BMX: variants seen among roughly 807,000 people sequenced by gnomAD.
The protein encoded by BMX is cytoplasmic tyrosine-protein kinase BMX.
BMX carries 31 observed loss-of-function variants against 59.2 expected under a neutral mutation model. That is an observed-to-expected ratio of 0.52 (90% CI 0.39 to 0.71). The LOEUF (loss-of-function observed/expected upper bound fraction) is 0.71. Among genes scored for constraint, BMX ranks in the 30% least tolerant of loss-of-function variants. The pLI is 0.00. For missense variants in BMX, 474 were observed against 491.7 expected (o/e 0.96, Z 0.34); for synonymous variants, 185 against 181.0 (o/e 1.02, Z -0.18).
At chrX:15,519,676 G>A (rs7883555) in intron 6 of BMX, among the ~76,000 whole-genome samples, 10,562 of 111,702 alleles carry the variant, frequency 0.095, 1,166 homozygotes, top group African/African-American at 0.32. Flanking sequence ...TTAGCTCACC[G>A]TTCTGCAGGC....
At chrX:15,512,633 G>A (rs1401861203) in intron 4 of BMX, among the ~76,000 whole-genome samples, 1 of 112,134 alleles carries the variant, frequency 8.9e-6, no homozygotes, top group Non-Finnish European at 1.9e-5. Context: ...CTGCTTTGCT[G>A]TGTCACCTAA....
At chrX:15,546,118 C>G (rs1475768935) in intron 16 of BMX, among the ~76,000 whole-genome samples, 1 of 112,050 alleles carries the variant, frequency 8.9e-6, no homozygotes, top group Non-Finnish European at 1.9e-5. Context: ...TTTAATTACT[C>G]CTCAACATTG....
At chrX:15,525,256 T>C in intron 7 of BMX, 32 bp from the exon 8 acceptor site, 2 of 1,172,938 alleles carry the variant, frequency 1.7e-6, no homozygotes, top group Non-Finnish European at 2.3e-6. Context: ...AGACATATGT[T>C]TATAAACTTA....
chrX:15,505,708 G>A (rs1923713483), intron 1 of BMX, among the ~76,000 whole-genome samples: 4 of 111,251 alleles, frequency 3.6e-5, no homozygotes, highest in Non-Finnish European at 1.9e-5. Flanking sequence ...ATGCAACAAC[G>A]CTTGTAAACC....
chrX:15,500,977 T>C (rs771667615), intron 1 of BMX, 37 bp downstream of exon 1: 1 of 752,283 alleles, frequency 1.3e-6, no homozygotes, highest in East Asian at 1.5e-4. Context: ...CAGTGTCGCA[T>C]ACTATGCGGA....
intron 7 of BMX, among the ~76,000 whole-genome samples, chrX:15,525,063 A>C (rs1344046882): frequency 8.9e-6 from 1 of 112,267 alleles, no homozygotes; most frequent in Non-Finnish European, 1.9e-5. Context: ...ATTATTAACA[A>C]TTTTCTTTTG....
intron 7 of BMX, among the ~76,000 whole-genome samples, chrX:15,524,557 C>T (rs897032384): frequency 8.9e-6 from 1 of 112,081 alleles, no homozygotes; most frequent in Non-Finnish European, 1.9e-5. Context: ...AAAAGCTATT[C>T]TAGTGGGCAA....
At chrX:15,502,010 C>T (rs1037279094) in intron 1 of BMX, among the ~76,000 whole-genome samples, 7 of 111,634 alleles carry the variant, frequency 6.3e-5, no homozygotes, top group Non-Finnish European at 9.4e-5. Flanking sequence ...TTTTTATGGT[C>T]CTTTTTAAAA....
chrX:15,539,590 T>C (rs1055932611), intron 14 of BMX, among the ~76,000 whole-genome samples: 4 of 111,968 alleles, frequency 3.6e-5, no homozygotes, highest in Non-Finnish European at 7.5e-5. Context: ...TGATAAGCAT[T>C]GTCCCTATAG....
chrX:15,526,997 G>A (rs1924771261), intron 9 of BMX, among the ~76,000 whole-genome samples: 1 of 108,557 alleles, frequency 9.2e-6, no homozygotes, highest in Non-Finnish European at 1.9e-5. Context: ...ATAACTTAAA[G>A]AGTATAATTA....
chrX:15,534,450 G>GAA, intron 12 of BMX, 111 bp downstream of exon 12: 7 of 705,702 alleles, frequency 9.9e-6, no homozygotes, highest in Non-Finnish European at 1.1e-5. Flanking sequence ...ATGAAAGTAG[G>GAA]AAAAAATCCT....
chrX:15,533,705 T>C (rs956754270), intron 11 of BMX, among the ~76,000 whole-genome samples: 1 of 111,411 alleles, frequency 9.0e-6, no homozygotes, highest in African/African-American at 3.3e-5. Flanking sequence ...AAGGTACAAG[T>C]TCACATGAGG....
At chrX:15,552,297 G>C (rs993938165) in intron 18 of BMX, among the ~76,000 whole-genome samples, 5 of 111,964 alleles carry the variant, frequency 4.5e-5, no homozygotes, top group African/African-American at 1.6e-4. Context: ...GGTCCATAGG[G>C]AGAAACTGTG....
chrX:15,553,016 T>G (rs1410864421), intron 18 of BMX, among the ~76,000 whole-genome samples: 2 of 112,369 alleles, frequency 1.8e-5, no homozygotes, highest in Non-Finnish European at 3.8e-5. Flanking sequence ...ACAGGAATAG[T>G]GGAAAAGGTA....
intron 1 of BMX, among the ~76,000 whole-genome samples, chrX:15,502,817 G>A (rs1379938535): frequency 5.4e-5 from 6 of 111,588 alleles, no homozygotes; most frequent in Admixed American, 9.5e-5. Context: ...TATTTAGCAC[G>A]AAGATAAGCG....
chrX:15,527,246 A>AC (rs1173236271), intron 9 of BMX, among the ~76,000 whole-genome samples: 858 of 16,794 alleles, frequency 0.051, 25 homozygotes, highest in African/African-American at 0.14. Context: ...ACACACACAC[A>AC]AATATATATA....
At chrX:15,528,368 A>T (rs1358936651) in intron 9 of BMX, among the ~76,000 whole-genome samples, 1 of 112,228 alleles carries the variant, frequency 8.9e-6, no homozygotes, top group East Asian at 2.8e-4. Flanking sequence ...GTGTGTTAAG[A>T]CTAGGCCTGG....
At chrX:15,532,783 C>A (rs1441728006) in intron 11 of BMX, among the ~76,000 whole-genome samples, 1 of 112,576 alleles carries the variant, frequency 8.9e-6, no homozygotes, top group Non-Finnish European at 1.9e-5. Context: ...CTTTCCAATG[C>A]CAGAATCCAT....
At chrX:15,515,968 A>G (rs1353507952) in intron 4 of BMX, 144 bp from the exon 5 acceptor site, 1 of 770,720 alleles carries the variant, frequency 1.3e-6, no homozygotes. Flanking sequence ...TGAAAGACCT[A>G]TATCCTTCCG....
Sources: gnomAD v4.1 joint callset for allele counts (sites outside exome capture counted in the v4.1 genomes callset) on GRCh38, gnomAD v4.1.1 for gene constraint, MANE v1.5 for transcripts, NCBI Gene and HGNC (gene_info 2026-07-23, HGNC 2026-07-21) for gene names.